The following STPG2 variants were observed in gnomAD, a reference collection of about 807,000 sequenced individuals.
The protein encoded by STPG2 is sperm tail PG-rich repeat containing 2.
In STPG2, 56 loss-of-function variants were observed where a neutral mutation model predicts 54.2. The ratio of observed to expected loss-of-function variants is 1.03; its 90% CI spans 0.83 to 1.29. The LOEUF (loss-of-function observed/expected upper bound fraction) is 1.29, where lower values mean the gene tolerates loss of function less well. Among genes scored for constraint, STPG2 ranks in the 50% most tolerant of loss-of-function variants. STPG2 has a pLI of 0.00. For synonymous variants in STPG2, 200 were observed against 181.8 expected (o/e 1.10, Z -0.81); for missense variants, 596 against 544.9 (o/e 1.09, Z -0.93).
At chr4:98,000,835 G>T (rs563395172) in intron 5 of STPG2, among the ~76,000 whole-genome samples, 82 of 152,218 alleles carry the variant, frequency 5.4e-4, no homozygotes, top group Admixed American at 2.0e-3. Flanking sequence ...GGCATGTTTT[G>T]CAGGATAAAT....
chr4:97,715,803 A>G (rs1724266250), intron 9 of STPG2, among the ~76,000 whole-genome samples: 2 of 152,176 alleles, frequency 1.3e-5, no homozygotes. Context: ...TCATGACTAA[A>G]ACACCAAAAG....
intron 4 of STPG2, among the ~76,000 whole-genome samples, chr4:97,473,227 C>T (rs1037322629): frequency 7.9e-5 from 12 of 152,244 alleles, no homozygotes; most frequent in Middle Eastern, 3.4e-3. Context: ...GAGAGAAAAC[C>T]TTGAACTCTG....
chr4:97,798,876 G>C (rs2149087699), intron 9 of STPG2, among the ~76,000 whole-genome samples: 1 of 37,714 alleles, frequency 2.7e-5, no homozygotes, highest in South Asian at 8.8e-4. Context: ...CCTGTATTGG[G>C]TGCATATATA....
At chr4:97,931,908 A>G (rs7686141) in intron 8 of STPG2, among the ~76,000 whole-genome samples, 296 of 151,978 alleles carry the variant, frequency 1.9e-3, no homozygotes, top group African/African-American at 7.0e-3. Flanking sequence ...TTTATTACTG[A>G]TTCAATTTCA....
chr4:98,057,038 G>C (rs1737506433), intron 5 of STPG2, among the ~76,000 whole-genome samples: 1 of 152,136 alleles, frequency 6.6e-6, no homozygotes, highest in Non-Finnish European at 1.5e-5. Context: ...GCAGTGTGCA[G>C]AATGGACTAA....
chr4:97,926,469 A>G (rs1732335514), intron 8 of STPG2, among the ~76,000 whole-genome samples: 1 of 152,010 alleles, frequency 6.6e-6, no homozygotes, highest in Non-Finnish European at 1.5e-5. Flanking sequence ...ATGCTTTTAT[A>G]TCTCTGCCAT....
chr4:97,682,059 C>T (rs1723053317), intron 10 of STPG2, among the ~76,000 whole-genome samples: 1 of 151,690 alleles, frequency 6.6e-6, no homozygotes, highest in Non-Finnish European at 1.5e-5. Flanking sequence ...AGACATGTGT[C>T]TGCTTGATAT....
chr4:98,034,920 T>G (rs1172584666), intron 5 of STPG2, among the ~76,000 whole-genome samples: 1 of 152,192 alleles, frequency 6.6e-6, no homozygotes, highest in East Asian at 1.9e-4. Context: ...ACTGGATCCC[T>G]TCCTTACACC....
At chr4:97,628,101 C>T (rs1377164766) in intron 10 of STPG2, among the ~76,000 whole-genome samples, 1 of 152,104 alleles carries the variant, frequency 6.6e-6, no homozygotes, top group Non-Finnish European at 1.5e-5. Flanking sequence ...TTAATCTGGG[C>T]ACCTCATGTC....
rs1740356559 is a variant in STPG2 at position 98,143,288 on chromosome 4, T to G, written c.-138A>C. On this transcript the variant is annotated 5_prime_UTR_variant, in exon 1 of 11. Coordinates refer to ENST00000295268, the MANE Select transcript of STPG2 (RefSeq NM_174952.3). ...AAAGAACTTCCGTAAACAGGGAAAT[T>G]AGGGGTGGGGTTGTCTCCCCGCCCG... is the stretch of plus-strand genomic sequence containing the variant. The G allele has an allele frequency of 1.6e-6, 1 of 630,876 alleles. No homozygotes were observed. Among genetic ancestry groups the G allele is most frequent in the Non-Finnish European group, 2.8e-6 (1 of 362,130 alleles). 39.1% of individuals were successfully genotyped at this position (630,876 alleles called of 1,614,324 possible). A position where few individuals can be genotyped will look rare whatever the true frequency, so the allele number is the denominator to read the frequency against.
intron 10 of STPG2, among the ~76,000 whole-genome samples, chr4:97,626,697 T>C (rs1734146897): frequency 6.6e-6 from 1 of 152,116 alleles, no homozygotes; most frequent in Admixed American, 6.6e-5. Flanking sequence ...TTCTTTTGCT[T>C]ATCCTCCTCT....
intron 5 of STPG2, among the ~76,000 whole-genome samples, chr4:98,099,955 C>T (rs1262591436): frequency 1.3e-5 from 2 of 152,004 alleles, no homozygotes. Flanking sequence ...ACCCAATTTT[C>T]CATGATATGA....
intron 7 of STPG2, among the ~76,000 whole-genome samples, chr4:97,955,094 TCAATAG>T (rs1733623104): frequency 6.6e-6 from 1 of 151,966 alleles, no homozygotes; most frequent in Admixed American, 6.6e-5. Flanking sequence ...AATTAAGAAC[TCAATAG>T]ATTGATTTAA....
intron 4 of STPG2, chr4:97,441,381 T>A (rs1259204880): frequency 6.6e-6 from 1 of 151,954 alleles, no homozygotes; most frequent in East Asian, 1.9e-4. Flanking sequence ...AAAACAAATA[T>A]TATATAAGAA....
At chr4:97,860,502 ATT>A (rs1384078128) in intron 8 of STPG2, among the ~76,000 whole-genome samples, 13 of 109,234 alleles carry the variant, frequency 1.2e-4, no homozygotes, top group South Asian at 3.2e-4. Context: ...ATTTTATTTT[ATT>A]TTATTTTATT....
chr4:97,905,777 G>A (rs1212110162), intron 8 of STPG2, among the ~76,000 whole-genome samples: 1 of 151,718 alleles, frequency 6.6e-6, no homozygotes, highest in African/African-American at 2.4e-5. Flanking sequence ...CAAGCAAATG[G>A]AAAATAAAAA....
intron 4 of STPG2, among the ~76,000 whole-genome samples, chr4:97,511,576 A>C (rs1177198236): frequency 2.6e-5 from 4 of 152,052 alleles, no homozygotes; most frequent in Admixed American, 2.0e-4. Context: ...CAACAAAAAA[A>C]CAGTAACACT....
At position 97,711,649 on chromosome 4, in the gene STPG2, A is replaced by T. The variant is rs568539309; in HGVS notation, c.1320+1050T>A. On this transcript the variant is annotated intron_variant, in intron 10 of 10. Coordinates refer to ENST00000295268, the MANE Select transcript of STPG2 (RefSeq NM_174952.3). ...TGCTGAAAAGTATTTAGATTGTGAC[A>T]TTTTATTTTTATTTACTTACTTTTT... Among the ~76,000 whole-genome samples the T allele has an allele frequency of 4.7e-5, 7 of 148,056 alleles. No homozygotes were observed. In the South Asian group the frequency reaches 1.5e-3, roughly 32 times the overall value.
intron 9 of STPG2, among the ~76,000 whole-genome samples, chr4:97,837,570 T>C (rs1007135422): frequency 6.6e-6 from 1 of 151,638 alleles, no homozygotes; most frequent in Non-Finnish European, 1.5e-5. Flanking sequence ...TGCTTTATAA[T>C]GTGATAAGCC....
Sources: gnomAD v4.1 joint callset for allele counts (sites outside exome capture counted in the v4.1 genomes callset) on GRCh38, gnomAD v4.1.1 for gene constraint, MANE v1.5 for transcripts, NCBI Gene and HGNC (gene_info 2026-07-23, HGNC 2026-07-21) for gene names.